AIDA: variants seen among roughly 807,000 people sequenced by gnomAD.
AIDA encodes axin interactor, dorsalization associated, also known as axin interactor, dorsalization-associated protein.
A neutral mutation model predicts 42.7 loss-of-function variants in AIDA; 18 were observed. The ratio of observed to expected loss-of-function variants is 0.42; its 90% CI spans 0.29 to 0.63. AIDA has a LOEUF of 0.63. AIDA is among the 20% of genes least tolerant of loss of function. The pLI, the probability that AIDA is intolerant of heterozygous loss-of-function variation, is 0.19. For missense variants in AIDA, 250 were observed against 354.1 expected (o/e 0.71, Z 2.36); for synonymous variants, 104 against 122.9 (o/e 0.85, Z 1.02).
intron 2 of AIDA, among the ~76,000 whole-genome samples, chr1:222,699,422 T>C (rs1441534334): frequency 6.6e-6 from 1 of 152,232 alleles, no homozygotes; most frequent in Non-Finnish European, 1.5e-5. Flanking sequence ...TCCCATAATA[T>C]GTTTCAGAAC....
chr1:222,710,501 A>C (rs1655967226), intron 1 of AIDA, among the ~76,000 whole-genome samples: 1 of 152,196 alleles, frequency 6.6e-6, no homozygotes, highest in Admixed American at 6.5e-5. Flanking sequence ...AACAGCTGCT[A>C]GGTCTCACCA....
chr1:222,670,037 A>G, intron 9 of AIDA, 48 bp from the exon 10 acceptor site: 1 of 1,612,590 alleles, frequency 6.2e-7, no homozygotes, highest in Middle Eastern at 1.7e-4. Flanking sequence ...TTGATAACTG[A>G]ACTCTTCAAG....
chr1:222,692,261 G>T (rs1655392769), intron 4 of AIDA, among the ~76,000 whole-genome samples: 1 of 152,088 alleles, frequency 6.6e-6, no homozygotes, highest in African/African-American at 2.4e-5. Context: ...TCATGGGTTG[G>T]GGACTCACTG....
intron 4 of AIDA, among the ~76,000 whole-genome samples, chr1:222,692,147 G>A (rs1002487083): frequency 3.9e-5 from 6 of 152,158 alleles, no homozygotes; most frequent in African/African-American, 1.4e-4. Context: ...TTTACATAGG[G>A]TTTTCCTTCC....
chr1:222,709,498 G>GA (rs1289788062), intron 1 of AIDA, among the ~76,000 whole-genome samples: 2 of 152,022 alleles, frequency 1.3e-5, no homozygotes, highest in Non-Finnish European at 2.9e-5. Context: ...GGAAAAAAAT[G>GA]AAAAAAATGA....
intron 1 of AIDA, among the ~76,000 whole-genome samples, chr1:222,710,628 T>TAATAAAGA (rs1372725366): frequency 2.6e-5 from 4 of 152,224 alleles, no homozygotes; most frequent in African/African-American, 9.6e-5. Flanking sequence ...TGTTCTCCAG[T>TAATAAAGA]AATAAAGAAA....
At chr1:222,679,141 C>T (rs1004741545) in intron 6 of AIDA, among the ~76,000 whole-genome samples, 12 of 151,812 alleles carry the variant, frequency 7.9e-5, no homozygotes, top group South Asian at 2.1e-4. Flanking sequence ...ATAATATGCA[C>T]GAAAGAAGAT....
chr1:222,700,071 T>C (rs1402801952), intron 2 of AIDA, among the ~76,000 whole-genome samples: 1 of 152,176 alleles, frequency 6.6e-6, no homozygotes, highest in Non-Finnish European at 1.5e-5. Flanking sequence ...AAAATTAAAC[T>C]TTTAAAGGCA....
At chr1:222,701,056 G>A (rs556496359) in intron 2 of AIDA, among the ~76,000 whole-genome samples, 19 of 146,902 alleles carry the variant, frequency 1.3e-4, no homozygotes, top group African/African-American at 3.8e-4. Flanking sequence ...TCCGCCTCCC[G>A]AGTTCAGGTG....
intron 1 of AIDA, among the ~76,000 whole-genome samples, chr1:222,708,107 G>A (rs1655891753): frequency 1.3e-5 from 2 of 151,980 alleles, no homozygotes; most frequent in East Asian, 2.0e-4. Context: ...TCAGGAGTTC[G>A]AGACCAGCCT....
At chr1:222,701,707 T>A (rs139067798) in intron 2 of AIDA, among the ~76,000 whole-genome samples, 4,078 of 152,140 alleles carry the variant, frequency 0.027, 81 homozygotes, top group Non-Finnish European at 0.043. Flanking sequence ...GAAAAAAAAA[T>A]ATTCTTTTTT....
Position 222,712,323 on chromosome 1 carries a change from G to C in AIDA, c.-6C>G. The stretch of plus-strand genomic sequence containing the variant: ...CTCCGGGTCACCTCCGACATGGCCG[G>C]TCCCCACCCCGTCCCCTCCCGCCCC... On this transcript the variant is annotated 5_prime_UTR_variant, in exon 1 of 10. Coordinates refer to ENST00000340020, the MANE Select transcript of AIDA (RefSeq NM_022831.4). 1 of 1,547,014 alleles carries C rather than the reference G, an allele frequency of 6.5e-7. No homozygotes were observed. Among genetic ancestry groups the C allele is most frequent in the Non-Finnish European group, 8.7e-7 (1 of 1,145,446 alleles).
chr1:222,688,146 G>A (rs1655248738), intron 4 of AIDA, among the ~76,000 whole-genome samples: 1 of 152,120 alleles, frequency 6.6e-6, no homozygotes, highest in South Asian at 2.1e-4. Context: ...CCTGAGCCTG[G>A]GAGGTCAAGG....
At chr1:222,689,518 T>TACAC (rs1401314000) in intron 4 of AIDA, among the ~76,000 whole-genome samples, 27 of 68,960 alleles carry the variant, frequency 3.9e-4, no homozygotes, top group South Asian at 9.5e-4. Context: ...TATATATATA[T>TACAC]ATACACACAT....
At chr1:222,705,482 C>CT (rs1387690680) in intron 1 of AIDA, among the ~76,000 whole-genome samples, 1 of 152,192 alleles carries the variant, frequency 6.6e-6, no homozygotes, top group African/African-American at 2.4e-5. Context: ...TGGTGGCCAT[C>CT]AACCTAAGCA....
chr1:222,711,216 G>A lies in AIDA; in HGVS notation c.110+992C>T, dbSNP rs981564286. On this transcript the variant is annotated intron_variant, in intron 1 of 9. Transcript: ENST00000340020. Reference sequence around the variant, plus strand: ...GCGAGTTTGCAAACAATAGCATTTTGGCAGACAGTTCTTAAGTTCAGTAAA... The same window carrying A: ...GCGAGTTTGCAAACAATAGCATTTTAGCAGACAGTTCTTAAGTTCAGTAAA... Among the ~76,000 whole-genome samples the A allele has an allele frequency of 2.0e-5, 3 of 152,186 alleles. No homozygotes were observed. In the South Asian group the frequency reaches 6.2e-4, roughly 32 times the overall value.
rs778607004 is a variant in AIDA, at chr1:222,687,672, A to G, written c.290-14T>C. ...TATTCTTTAGGACTAGAATAAGAAGATAAAGAAACATGAATTCTTCCATGA... is the reference window on the plus strand; with the variant it reads ...TATTCTTTAGGACTAGAATAAGAAGGTAAAGAAACATGAATTCTTCCATGA... On this transcript the variant is annotated splice_polypyrimidine_tract_variant and intron_variant, in intron 4 of 9. Coordinates refer to ENST00000340020, the MANE Select transcript of AIDA (RefSeq NM_022831.4). The G allele has an allele frequency of 6.9e-7, 1 of 1,447,402 alleles. No homozygotes were observed. The highest frequency in any genetic ancestry group is 1.3e-5 in the South Asian group (1 of 77,238). The allele number at this position is 1,447,402 out of a possible 1,614,324, so 89.7% of individuals were successfully genotyped here.
At chr1:222,689,855 C>T (rs1390290041) in intron 4 of AIDA, among the ~76,000 whole-genome samples, 1 of 151,970 alleles carries the variant, frequency 6.6e-6, no homozygotes, top group East Asian at 1.9e-4. Context: ...CCACTTATCA[C>T]TCACTCACTG....
In AIDA at chr1:222,705,938, A is replaced by G. The variant is rs554557215; in HGVS notation, c.111-2721T>C. Among the ~76,000 whole-genome samples, 11 of 152,332 alleles carry G rather than the reference A, an allele frequency of 7.2e-5. No individual in the cohort carries two copies. The South Asian group carries it at 2.3e-3, about 32-fold the overall frequency. ...ATATTTGCAAATCATATATCTGATA[A>G]AAGACTGTATCCAGAATATATAAAG... On this transcript the variant is annotated intron_variant, in intron 1 of 9. Transcript: ENST00000340020.
Sources: allele counts gnomAD v4.1 joint callset (sites outside exome capture counted in the v4.1 genomes callset), GRCh38; gene constraint gnomAD v4.1.1; transcripts MANE v1.5; gene names NCBI Gene and HGNC (gene_info 2026-07-23, HGNC 2026-07-21).